The following ALK variants were observed in gnomAD, a reference collection of about 807,000 sequenced individuals.
The protein encoded by ALK is ALK receptor tyrosine kinase.
A neutral mutation model predicts 163.1 loss-of-function variants in ALK; 74 were observed. The ratio of observed to expected loss-of-function variants is 0.45; its 90% CI spans 0.38 to 0.55. ALK has a LOEUF of 0.55. ALK is among the 20% of genes least tolerant of loss of function. ALK has a pLI of 0.00. For synonymous variants in ALK, 960 were observed against 843.2 expected, an observed-to-expected ratio of 1.14 and a Z score of -2.40; for missense variants, 2,063 against 2,105.3, an observed-to-expected ratio of 0.98 and a Z score of 0.39.
At chr2:29,829,692 T>C (rs1488673583) in intron 1 of ALK, among the ~76,000 whole-genome samples, 2 of 152,232 alleles carry the variant, frequency 1.3e-5, no homozygotes, top group Admixed American at 1.3e-4. Flanking sequence ...TGGTGAACAG[T>C]GAACCTATCC....
chr2:29,651,997 TC>T (rs1008289921), intron 3 of ALK, among the ~76,000 whole-genome samples: 16 of 152,122 alleles, frequency 1.1e-4, no homozygotes, highest in African/African-American at 3.6e-4. Context: ...TACAGAGTGT[TC>T]TGCTCAGTTC....
At chr2:29,396,019 G>GT (rs57365917) in intron 4 of ALK, among the ~76,000 whole-genome samples, 64,609 of 151,984 alleles carry the variant, frequency 0.43, 14,728 homozygotes, top group Middle Eastern at 0.57. Flanking sequence ...TCGTTAACCT[G>GT]TTTTTTGTTA....
chr2:29,501,887 C>T (rs1672197632), intron 4 of ALK, among the ~76,000 whole-genome samples: 1 of 152,230 alleles, frequency 6.6e-6, no homozygotes, highest in African/African-American at 2.4e-5. Context: ...AGCTACCATT[C>T]TACTTTCTGT....
At chr2:29,707,927 C>T (rs1030573690) in intron 2 of ALK, among the ~76,000 whole-genome samples, 2 of 152,188 alleles carry the variant, frequency 1.3e-5, no homozygotes, top group Non-Finnish European at 2.9e-5. Context: ...GAAGGTAATA[C>T]AACTCACAAG....
intron 5 of ALK, among the ~76,000 whole-genome samples, chr2:29,332,813 AAT>A (rs965080082): frequency 6.6e-6 from 1 of 152,260 alleles, no homozygotes; most frequent in African/African-American, 2.4e-5. Flanking sequence ...CGCTTTGAAG[AAT>A]ATCTTTGAGC....
At chr2:29,750,093 G>C (rs1031971194) in intron 1 of ALK, among the ~76,000 whole-genome samples, 3 of 152,226 alleles carry the variant, frequency 2.0e-5, no homozygotes, top group Non-Finnish European at 4.4e-5. Flanking sequence ...TCCGCCGAGG[G>C]CATGATTGCA....
chr2:29,383,591 A>C (rs1668957817), intron 5 of ALK, 141 bp downstream of exon 5: 2 of 1,094,212 alleles, frequency 1.8e-6, no homozygotes, highest in Non-Finnish European at 2.7e-6. Context: ...TGCTGGGATT[A>C]CAGGTGTGAG....
At chr2:29,841,649 C>A (rs1252492896) in intron 1 of ALK, among the ~76,000 whole-genome samples, 2 of 152,124 alleles carry the variant, frequency 1.3e-5, no homozygotes, top group East Asian at 1.9e-4. Context: ...TGGGGAGTTA[C>A]AATGAACAAG....
At chr2:29,425,433 C>G (rs1240411494) in intron 4 of ALK, among the ~76,000 whole-genome samples, 11 of 152,158 alleles carry the variant, frequency 7.2e-5, no homozygotes, top group Admixed American at 5.9e-4. Flanking sequence ...TAAGCATGGC[C>G]AAGAAGTTGG....
chr2:29,545,963 C>G (rs1673540966), intron 3 of ALK, among the ~76,000 whole-genome samples: 1 of 152,142 alleles, frequency 6.6e-6, no homozygotes, highest in East Asian at 1.9e-4. Context: ...TCCTACTTAA[C>G]TGAGGCAGAA....
chr2:29,510,733 G>A (rs1449270048), intron 4 of ALK, among the ~76,000 whole-genome samples: 1 of 152,226 alleles, frequency 6.6e-6, no homozygotes, highest in African/African-American at 2.4e-5. Flanking sequence ...ACAACTTCCA[G>A]GTATTACCTG....
chr2:29,618,307 C>T (rs550364067), intron 3 of ALK, among the ~76,000 whole-genome samples: 2 of 152,258 alleles, frequency 1.3e-5, no homozygotes, highest in South Asian at 4.1e-4. Flanking sequence ...AACAACTGAC[C>T]TCTGCTTTGT....
intron 1 of ALK, among the ~76,000 whole-genome samples, chr2:29,917,870 G>A (rs780357690): frequency 1.3e-5 from 2 of 152,112 alleles, no homozygotes; most frequent in Non-Finnish European, 2.9e-5. Flanking sequence ...CCTTTTAATG[G>A]CAGAATCCTG....
intron 3 of ALK, among the ~76,000 whole-genome samples, chr2:29,539,526 AG>A (rs1341357746): frequency 2.0e-5 from 3 of 152,170 alleles, no homozygotes; most frequent in Admixed American, 2.0e-4. Context: ...TCTCAAAAAA[AG>A]GTTTGTAATC....
intron 4 of ALK, among the ~76,000 whole-genome samples, chr2:29,530,417 A>C (rs1573433614): frequency 6.6e-6 from 1 of 151,296 alleles, no homozygotes; most frequent in South Asian, 2.1e-4. Context: ...TCAGACTCCA[A>C]CTCCACCTCT....
intron 4 of ALK, among the ~76,000 whole-genome samples, chr2:29,493,621 T>G (rs2148126530): frequency 6.6e-6 from 1 of 152,316 alleles, no homozygotes; most frequent in Non-Finnish European, 1.5e-5. Context: ...TCTTTGCTCT[T>G]TGGGTAGGTC....
At chr2:29,313,202 A>G (rs1459547624) in intron 8 of ALK, among the ~76,000 whole-genome samples, 1 of 152,210 alleles carries the variant, frequency 6.6e-6, no homozygotes, top group African/African-American at 2.4e-5. Flanking sequence ...CTAGATGGTC[A>G]TCCGTTCTAT....
At position 29,747,114 on chromosome 2, in the gene ALK, T is replaced by G. The variant is rs1359148973; in HGVS notation, c.668-29417A>C. Among the ~76,000 whole-genome samples the G allele has an allele frequency of 2.6e-5, 4 of 152,164 alleles. No homozygotes were observed. In the East Asian group the frequency reaches 7.7e-4, roughly 29 times the overall value. ...GAGTGGGGGAGGTCACTCTATTTCATGAGTGGCCAGTGCTGACTGATGGAA... is the reference window on the plus strand; with the variant it reads ...GAGTGGGGGAGGTCACTCTATTTCAGGAGTGGCCAGTGCTGACTGATGGAA... On this transcript the variant is annotated intron_variant, in intron 1 of 28. Coordinates refer to ENST00000389048, the MANE Select transcript of ALK (RefSeq NM_004304.5).
At position 29,216,075 on chromosome 2, in the gene ALK, C is replaced by T. The variant is rs1375242890; in HGVS notation, c.3646-1994G>A. ...GGCAGAGGGGGTACCTCTGCACAGG[C>T]GGGCAGCAGAGACTCTGATCATTCC... On this transcript the variant is annotated intron_variant, in intron 23 of 28. Transcript: ENST00000389048. Among the ~76,000 whole-genome samples the T allele has an allele frequency of 3.3e-5, 5 of 152,246 alleles. No homozygotes were observed. In the East Asian group the frequency reaches 9.7e-4, roughly 29 times the overall value.
Sources: allele counts gnomAD v4.1 joint callset (sites outside exome capture counted in the v4.1 genomes callset), GRCh38; gene constraint gnomAD v4.1.1; transcripts MANE v1.5; gene names NCBI Gene and HGNC (gene_info 2026-07-23, HGNC 2026-07-21).